ARHGAP42: variants seen among roughly 807,000 people sequenced by gnomAD.
ARHGAP42 encodes the protein Rho GTPase activating protein 42, also known as rho GTPase-activating protein 42.
In ARHGAP42, 63 loss-of-function variants were observed where a neutral mutation model predicts 125.0. The observed-to-expected ratio is 0.50, with a 90% CI of 0.41 to 0.62. ARHGAP42 has a LOEUF of 0.62. ARHGAP42 is among the 20% of genes least tolerant of loss of function. The probability of loss-of-function intolerance (pLI) is 0.00; values close to 1 mark genes in which losing one functional copy is unlikely to be tolerated. For missense variants in ARHGAP42, 766 were observed against 1,024.2 expected, an observed-to-expected ratio of 0.75 and a Z score of 3.44; for synonymous variants, 339 against 351.0, an observed-to-expected ratio of 0.97 and a Z score of 0.38.
chr11:100,787,847 G>C (rs1392958796), intron 2 of ARHGAP42, among the ~76,000 whole-genome samples: 1 of 152,180 alleles, frequency 6.6e-6, no homozygotes, highest in Non-Finnish European at 1.5e-5. Flanking sequence ...TAAGCCAATG[G>C]ATTCCAAAGT....
At chr11:100,809,605 A>G (rs1197367898) in intron 3 of ARHGAP42, among the ~76,000 whole-genome samples, 2 of 152,220 alleles carry the variant, frequency 1.3e-5, no homozygotes, top group Non-Finnish European at 1.5e-5. Context: ...GATGTACACT[A>G]TTACTGTTTA....
chr11:100,977,692 G>A (rs928700581), intron 21 of ARHGAP42, among the ~76,000 whole-genome samples: 1 of 152,178 alleles, frequency 6.6e-6, no homozygotes, highest in African/African-American at 2.4e-5. Flanking sequence ...CTTTACATGA[G>A]TTATCTCTTT....
At chr11:100,929,023 A>G (rs1277607952) in intron 6 of ARHGAP42, among the ~76,000 whole-genome samples, 1 of 152,196 alleles carries the variant, frequency 6.6e-6, no homozygotes, top group Non-Finnish European at 1.5e-5. Context: ...ATTAGTTGAT[A>G]GGTACCTTTT....
intron 13 of ARHGAP42, among the ~76,000 whole-genome samples, chr11:100,960,179 T>C (rs898848127): frequency 1.3e-5 from 2 of 152,116 alleles, no homozygotes; most frequent in African/African-American, 4.8e-5. Flanking sequence ...ACAGCCTCAC[T>C]ATACTTCTTA....
intron 23 of ARHGAP42, among the ~76,000 whole-genome samples, chr11:100,988,450 T>C (rs1714339592): frequency 6.6e-6 from 1 of 152,184 alleles, no homozygotes; most frequent in Non-Finnish European, 1.5e-5. Flanking sequence ...TTACATAGTA[T>C]TTACATTGTA....
At chr11:100,867,444 T>A (rs1865596059) in intron 4 of ARHGAP42, among the ~76,000 whole-genome samples, 1 of 152,222 alleles carries the variant, frequency 6.6e-6, no homozygotes, top group South Asian at 2.1e-4. Context: ...GACGTATATG[T>A]TAGGATGTGG....
In ARHGAP42 at chr11:100,806,837, GTTTATTTA is replaced by G. The variant is rs113368959; in HGVS notation, c.312+11691_312+11698del. Among the ~76,000 whole-genome samples, 8 of 149,448 alleles carry G rather than the reference GTTTATTTA, an allele frequency of 5.4e-5. No individual in the cohort carries two copies. The East Asian group carries it at 5.9e-4, about 11-fold the overall frequency. ...AAATTTTTTATTTGTTTGTTTGTTTGTTTATTTATTTATTTATTTATTTATTTTTGGGA... is the reference window on the plus strand; with the variant it reads ...AAATTTTTTATTTGTTTGTTTGTTTGTTTATTTATTTATTTATTTTTGGGA... On this transcript the variant is annotated intron_variant, in intron 3 of 23. Transcript: ENST00000298815.
At chr11:100,969,338 T>C (rs941453125) in intron 17 of ARHGAP42, among the ~76,000 whole-genome samples, 7 of 152,172 alleles carry the variant, frequency 4.6e-5, no homozygotes, top group African/African-American at 1.4e-4. Context: ...GCTGTGGATA[T>C]CTTTGCAATT....
intron 3 of ARHGAP42, among the ~76,000 whole-genome samples, chr11:100,842,032 G>A (rs890594310): frequency 6.6e-6 from 1 of 152,136 alleles, no homozygotes; most frequent in Non-Finnish European, 1.5e-5. Context: ...TGAGTTACAG[G>A]CATTAATGAA....
chr11:100,783,060 C>T (rs1863351836), intron 2 of ARHGAP42, among the ~76,000 whole-genome samples: 1 of 152,158 alleles, frequency 6.6e-6, no homozygotes. Flanking sequence ...AAGGCAAACT[C>T]CCCAGGGTGA....
chr11:100,942,081 A>G (rs1867901061), intron 9 of ARHGAP42, among the ~76,000 whole-genome samples, 197 bp downstream of exon 9: 1 of 152,190 alleles, frequency 6.6e-6, no homozygotes, highest in Non-Finnish European at 1.5e-5. Context: ...TAACTTGGCC[A>G]TGGCATATTT....
chr11:100,817,276 C>T (rs768785117), intron 3 of ARHGAP42, among the ~76,000 whole-genome samples: 15 of 152,172 alleles, frequency 9.9e-5, no homozygotes, highest in Non-Finnish European at 2.1e-4. Context: ...CAACCCAACA[C>T]GTCTGCAGAC....
At chr11:100,884,499 A>G (rs1361856047) in intron 4 of ARHGAP42, among the ~76,000 whole-genome samples, 2 of 152,190 alleles carry the variant, frequency 1.3e-5, no homozygotes, top group Admixed American at 6.5e-5. Context: ...AGTAAACTCA[A>G]AAGACATCAA....
At chr11:100,750,528 G>A in intron 1 of ARHGAP42, among the ~76,000 whole-genome samples, 1 of 144,980 alleles carries the variant, frequency 6.9e-6, no homozygotes, top group Non-Finnish European at 1.5e-5. Context: ...GGGAGGGGAA[G>A]GGGTTCTTAT....
At chr11:100,928,617 A>G (rs1867491719) in intron 6 of ARHGAP42, among the ~76,000 whole-genome samples, 1 of 152,140 alleles carries the variant, frequency 6.6e-6, no homozygotes, top group African/African-American at 2.4e-5. Context: ...TAAAGATACA[A>G]TTCACATACC....
chr11:100,838,697 A>G (rs986288141), intron 3 of ARHGAP42, among the ~76,000 whole-genome samples: 88 of 150,604 alleles, frequency 5.8e-4, no homozygotes, highest in African/African-American at 2.1e-3. Flanking sequence ...TATCTCAAAA[A>G]CAAAACAAAA....
intron 1 of ARHGAP42, among the ~76,000 whole-genome samples, chr11:100,698,964 G>A (rs2120194124): frequency 6.6e-6 from 1 of 152,184 alleles, no homozygotes; most frequent in African/African-American, 2.4e-5. Flanking sequence ...CTCCATCACT[G>A]TACCTGTTTC....
intron 4 of ARHGAP42, among the ~76,000 whole-genome samples, chr11:100,902,317 A>G (rs1206946876): frequency 6.6e-6 from 1 of 152,182 alleles, no homozygotes; most frequent in African/African-American, 2.4e-5. Flanking sequence ...AATTCCCATG[A>G]ACCTCATTTT....
At chr11:100,801,766 C>T (rs1863857692) in intron 3 of ARHGAP42, among the ~76,000 whole-genome samples, 2 of 152,222 alleles carry the variant, frequency 1.3e-5, no homozygotes, top group South Asian at 4.1e-4. Flanking sequence ...ACATCTCACA[C>T]ACCTTCCATA....
Sources: allele counts gnomAD v4.1 joint callset (sites outside exome capture counted in the v4.1 genomes callset), GRCh38; gene constraint gnomAD v4.1.1; transcripts MANE v1.5; gene names NCBI Gene and HGNC (gene_info 2026-07-23, HGNC 2026-07-21).